VWA2: variants seen among roughly 807,000 people sequenced by gnomAD.
The protein encoded by VWA2 is von Willebrand factor A domain containing 2.
Under a neutral mutation model 70.4 loss-of-function variants are expected in VWA2, and 73 were observed. The ratio of observed to expected loss-of-function variants is 1.04; its 90% confidence interval spans 0.86 to 1.26. The LOEUF (loss-of-function observed/expected upper bound fraction) is 1.26, where lower values mean the gene tolerates loss of function less well. Among genes scored for constraint, VWA2 ranks in the 50% most tolerant of loss-of-function variants. VWA2 has a pLI of 0.00. For missense variants in VWA2, 1,011 were observed against 998.5 expected (o/e 1.01, Z -0.17); for synonymous variants, 407 against 423.3 (o/e 0.96, Z 0.47).
rs527789874 is a variant in VWA2, at chr10:114,286,459, G to C, written c.1518G>C (p.Leu506=). The part of the protein sequence containing the change: ...HVMVYSDPQD[L]FNQIPELQGK... Reference sequence around the variant, plus strand: ...TGGTCTACTCGGATCCTCAGGATCTGTTCAACCAAATCCCTGAGCTGCAGG... The same window carrying C: ...TGGTCTACTCGGATCCTCAGGATCTCTTCAACCAAATCCCTGAGCTGCAGG... Residue 506 remains leucine (L), a synonymous_variant, in exon 11 of 14, where the codon CTG becomes CTC. Coordinates refer to ENST00000392982, the MANE Select transcript of VWA2 (RefSeq NM_001272046.2). The C allele has an allele frequency of 1.2e-6, 2 of 1,606,660 alleles. 1 individual carries two copies. Among genetic ancestry groups the C allele is most frequent in the Admixed American group, 3.3e-5 (2 of 59,728 alleles).
chr10:114,286,939 CACAT>C (rs1179581166), intron 11 of VWA2, among the ~76,000 whole-genome samples: 3 of 152,208 alleles, frequency 2.0e-5, no homozygotes, highest in Non-Finnish European at 4.4e-5. Flanking sequence ...CATGTATGCA[CACAT>C]ACACACACGG....
chr10:114,265,621 CT>C (rs1318983331), intron 5 of VWA2, among the ~76,000 whole-genome samples: 2 of 152,170 alleles, frequency 1.3e-5, no homozygotes, highest in Non-Finnish European at 2.9e-5. Context: ...CCCACACCCC[CT>C]AGATGATTAG....
In VWA2 at chr10:114,278,740, C is replaced by G. The variant is rs2037911001; in HGVS notation, c.722C>G (p.Pro241Arg). The G allele has an allele frequency of 1.2e-6, 2 of 1,613,870 alleles. No individual in the cohort carries two copies. Among genetic ancestry groups the G allele is most frequent in the South Asian group, 2.2e-5 (2 of 91,072 alleles). Residue 241 changes from proline (P) to arginine (R), a missense_variant, in exon 8 of 14, where the codon CCC (proline) becomes CGC (arginine). By Grantham distance (103) the Pro-to-Arg change is moderately radical. Transcript: ENST00000392982. Reference protein sequence around the residue: ...ATPDCRVEAHPCEHRTLEMVR... With the variant: ...ATPDCRVEAHRCEHRTLEMVR... ...ACAGACTGCAGGGTCGAGGCTCACC[C>G]CTGTGAGCACAGGACGCTGGAGATG...
At position 114,289,220 on chromosome 10, in the gene VWA2, A is replaced by G. The variant is rs745844089; in HGVS notation, c.1853A>G (p.Tyr618Cys). ...GSAGTALLHI[Y>C]DKVMTVQRGA... ...GCCGGCACCGCCCTGCTGCACATCT[A>G]TGACAAAGTGATGACCGTCCAGAGG... Residue 618 changes from tyrosine to cysteine, a missense_variant, in exon 12 of 14, where the codon TAT becomes TGT. Physicochemically the swap from Tyr to Cys is radical, Grantham distance 194. Coordinates refer to ENST00000392982, the MANE Select transcript of VWA2 (RefSeq NM_001272046.2). 4.8e-5 allele frequency: 78 copies of G among 1,613,874 alleles called. No homozygotes were observed. The highest frequency in any genetic ancestry group is 6.4e-5 in the Non-Finnish European group (76 of 1,179,884).
intron 8 of VWA2, among the ~76,000 whole-genome samples, chr10:114,279,397 T>C (rs1485630273): frequency 1.3e-5 from 2 of 148,436 alleles, no homozygotes; most frequent in Non-Finnish European, 3.0e-5. Flanking sequence ...TCAGCACCTC[T>C]GTCCGGAGAC....
intron 2 of VWA2, among the ~76,000 whole-genome samples, chr10:114,250,278 A>AC (rs1016806158): frequency 1.3e-5 from 2 of 152,220 alleles, no homozygotes; most frequent in African/African-American, 2.4e-5. Flanking sequence ...GGCATGGCTC[A>AC]CGGTTTATGC....
chr10:114,276,148 G>A (rs936562345), intron 6 of VWA2, among the ~76,000 whole-genome samples: 1 of 152,172 alleles, frequency 6.6e-6, no homozygotes, highest in Admixed American at 6.5e-5. Context: ...GGCCTAGAGA[G>A]ATGAGAAGCC....
At chr10:114,273,288 C>T (rs1455683471) in intron 6 of VWA2, among the ~76,000 whole-genome samples, 2 of 152,168 alleles carry the variant, frequency 1.3e-5, no homozygotes, top group African/African-American at 4.8e-5. Flanking sequence ...GATTCTTCCA[C>T]ATATCTCTGC....
chr10:114,244,157 G>A (rs542560879), intron 1 of VWA2, among the ~76,000 whole-genome samples: 10 of 152,322 alleles, frequency 6.6e-5, no homozygotes, highest in Admixed American at 1.3e-4. Flanking sequence ...ATCTTGTGCC[G>A]GATGGAGTGT....
At chr10:114,267,202 C>G (rs918114985) in intron 5 of VWA2, among the ~76,000 whole-genome samples, 4 of 152,072 alleles carry the variant, frequency 2.6e-5, no homozygotes, top group African/African-American at 9.7e-5. Flanking sequence ...GCAACCTCCG[C>G]CTCCCAGGTT....
intron 5 of VWA2, among the ~76,000 whole-genome samples, chr10:114,265,478 C>T (rs987653678): frequency 6.6e-6 from 1 of 152,048 alleles, no homozygotes; most frequent in African/African-American, 2.4e-5. Context: ...GTATGTTTTC[C>T]CTCCCTTATT....
chr10:114,248,922 G>C (rs2037135068), intron 2 of VWA2, among the ~76,000 whole-genome samples, 157 bp downstream of exon 2: 1 of 152,064 alleles, frequency 6.6e-6, no homozygotes, highest in Non-Finnish European at 1.5e-5. Context: ...GTCATCTTGT[G>C]CTTGGACCAC....
chr10:114,281,651 G>A (rs1008504219), intron 8 of VWA2: 26 of 789,004 alleles, frequency 3.3e-5, no homozygotes, highest in East Asian at 1.3e-4. Flanking sequence ...GCAGAGCCTC[G>A]TGTGGACACT....
chr10:114,271,068 G>A (rs2037697408), intron 5 of VWA2, among the ~76,000 whole-genome samples: 1 of 151,960 alleles, frequency 6.6e-6, no homozygotes, highest in Non-Finnish European at 1.5e-5. Context: ...CCTATTATTT[G>A]TATCCTTGCA....
At chr10:114,270,945 G>A (rs924626932) in intron 5 of VWA2, among the ~76,000 whole-genome samples, 1 of 152,036 alleles carries the variant, frequency 6.6e-6, no homozygotes, top group African/African-American at 2.4e-5. Context: ...AATCAGAATG[G>A]CCTCTTCCTT....
rs1256153020 is a variant in VWA2 at position 114,239,355 on chromosome 10, A to AG, written c.-221dup. On this transcript the variant is annotated 5_prime_UTR_variant, in exon 1 of 14. Transcript: ENST00000392982. The stretch of plus-strand genomic sequence containing the variant: ...GGCCGATGCCGCTTTAAAAAACGCG[A>AG]GGGGCTCTATGCACCTCCCTGGCGG... 1.3e-5 allele frequency: 2 copies of AG among 152,244 alleles called. No homozygotes were observed. Among genetic ancestry groups the AG allele is most frequent in the Admixed American group, 6.5e-5 (1 of 15,292 alleles). The allele number at this position is 152,244 out of a possible 1,614,324, so 9.4% of individuals were successfully genotyped here.
At chr10:114,288,136 C>A (rs2133641239) in intron 11 of VWA2, among the ~76,000 whole-genome samples, 1 of 152,326 alleles carries the variant, frequency 6.6e-6, no homozygotes, top group East Asian at 1.9e-4. Context: ...TCCCCACAGG[C>A]CTCTCTGCAT....
chr10:114,275,161 G>A (rs2037804506), intron 6 of VWA2, among the ~76,000 whole-genome samples: 1 of 152,154 alleles, frequency 6.6e-6, no homozygotes, highest in African/African-American at 2.4e-5. Flanking sequence ...GGGCCAGCAA[G>A]TGCAGGTCAG....
intron 5 of VWA2, among the ~76,000 whole-genome samples, chr10:114,263,969 C>T (rs1018140573): frequency 1.3e-5 from 2 of 152,210 alleles, no homozygotes; most frequent in Non-Finnish European, 2.9e-5. Context: ...GCTACCATGT[C>T]ATAGCCACTA....
Sources: allele counts gnomAD v4.1 joint callset (sites outside exome capture counted in the v4.1 genomes callset), GRCh38; gene constraint gnomAD v4.1.1; transcripts MANE v1.5; gene names NCBI Gene and HGNC (gene_info 2026-07-23, HGNC 2026-07-21).